DACH1: variants seen among roughly 807,000 people sequenced by gnomAD.
The protein encoded by DACH1 is dachshund homolog 1.
Under a neutral mutation model 54.2 loss-of-function variants are expected in DACH1, and 12 were observed. That is an observed-to-expected ratio of 0.22 (90% confidence interval 0.14 to 0.36). The LOEUF (loss-of-function observed/expected upper bound fraction) is 0.36. Ranked by LOEUF, DACH1 falls within the 10% of genes least tolerant of loss-of-function variation. The probability of loss-of-function intolerance (pLI) is 1.00; values close to 1 mark genes in which losing one functional copy is unlikely to be tolerated. For synonymous variants in DACH1, 386 were observed against 366.2 expected, an observed-to-expected ratio of 1.05 and a Z score of -0.62; for missense variants, 805 against 929.8, an observed-to-expected ratio of 0.87 and a Z score of 1.75.
chr13:71,556,895 T>C, intron 6 of DACH1, 129 bp downstream of exon 6: 1 of 985,902 alleles, frequency 1.0e-6, no homozygotes, highest in Non-Finnish European at 1.4e-6. Flanking sequence ...TACTTAATAT[T>C]GTGGATTTTA....
intron 2 of DACH1, among the ~76,000 whole-genome samples, chr13:71,648,360 G>T (rs1878442928): frequency 6.6e-6 from 1 of 151,932 alleles, no homozygotes; most frequent in South Asian, 2.1e-4. Context: ...GACCAGTTTA[G>T]AAAAACATGA....
chr13:71,456,028 G>C (rs1157246232), intron 10 of DACH1, among the ~76,000 whole-genome samples: 1 of 152,070 alleles, frequency 6.6e-6, no homozygotes, highest in Non-Finnish European at 1.5e-5. Context: ...ACAAAAAACT[G>C]TAATGCTAAT....
At chr13:71,833,897 G>C (rs545477001) in intron 1 of DACH1, among the ~76,000 whole-genome samples, 1 of 152,020 alleles carries the variant, frequency 6.6e-6, no homozygotes, top group African/African-American at 2.4e-5. Context: ...CTCTGAAATA[G>C]CACAAGATAT....
chr13:71,843,916 C>A (rs898981348), intron 1 of DACH1, among the ~76,000 whole-genome samples: 1 of 152,064 alleles, frequency 6.6e-6, no homozygotes, highest in African/African-American at 2.4e-5. Flanking sequence ...TTTAAATGAG[C>A]ATACTATTTG....
intron 3 of DACH1, among the ~76,000 whole-genome samples, chr13:71,575,763 T>G (rs9599860): frequency 0.017 from 2,540 of 152,194 alleles, 26 homozygotes; most frequent in Middle Eastern, 0.071. Context: ...CTACATAGAA[T>G]GCTTCTAGCC....
At chr13:71,461,655 C>A (rs529529564) in intron 10 of DACH1, among the ~76,000 whole-genome samples, 1 of 151,990 alleles carries the variant, frequency 6.6e-6, no homozygotes, top group African/African-American at 2.4e-5. Context: ...TTCTTGCTAT[C>A]TTACATTTCT....
At chr13:71,472,703 G>T (rs778322639) in intron 10 of DACH1, among the ~76,000 whole-genome samples, 2 of 152,190 alleles carry the variant, frequency 1.3e-5, no homozygotes, top group Non-Finnish European at 2.9e-5. Context: ...GAGGCTGTGT[G>T]TGTGTCATTC....
chr13:71,708,890 T>A (rs1416582271), intron 1 of DACH1, among the ~76,000 whole-genome samples: 4 of 146,762 alleles, frequency 2.7e-5, no homozygotes, highest in African/African-American at 1.0e-4. Context: ...TCTCGCTCTG[T>A]CGCCCAAGCT....
intron 1 of DACH1, among the ~76,000 whole-genome samples, chr13:71,705,553 T>A (rs1882399163): frequency 6.6e-6 from 1 of 152,200 alleles, no homozygotes; most frequent in Admixed American, 6.5e-5. Flanking sequence ...ATTCAAAAAA[T>A]GTTTTATGGA....
chr13:71,760,468 C>G (rs1374192294), intron 1 of DACH1, among the ~76,000 whole-genome samples: 6 of 152,182 alleles, frequency 3.9e-5, no homozygotes, highest in African/African-American at 1.4e-4. Context: ...ACACTGAAAG[C>G]TCCAGATCAG....
intron 1 of DACH1, among the ~76,000 whole-genome samples, chr13:71,747,208 CATGTAATGTAGTCCACACACTGTA>C (rs377678039): frequency 1.5e-4 from 23 of 152,038 alleles, no homozygotes; most frequent in African/African-American, 5.3e-4. Flanking sequence ...AATACTAGAT[CATGTAATGTAGTCCACACACTGTA>C]ATGTAATGTA....
intron 3 of DACH1, among the ~76,000 whole-genome samples, chr13:71,611,582 T>C (rs1021220870): frequency 6.6e-6 from 1 of 152,204 alleles, no homozygotes; most frequent in Non-Finnish European, 1.5e-5. Flanking sequence ...TGTTAGAAAA[T>C]GTTTGATTTT....
At chr13:71,631,196 T>A (rs1352159817) in intron 2 of DACH1, among the ~76,000 whole-genome samples, 1 of 152,164 alleles carries the variant, frequency 6.6e-6, no homozygotes, top group African/African-American at 2.4e-5. Context: ...ATGACCTGCA[T>A]CTTCAAGCAT....
chr13:71,499,108 C>T (rs1027732504), intron 6 of DACH1, among the ~76,000 whole-genome samples: 4 of 111,634 alleles, frequency 3.6e-5, no homozygotes, highest in Non-Finnish European at 5.4e-5. Flanking sequence ...CATGCGAGCA[C>T]GCGCACACAC....
chr13:71,599,255 T>G (rs1874324758), intron 3 of DACH1, among the ~76,000 whole-genome samples: 1 of 152,120 alleles, frequency 6.6e-6, no homozygotes, highest in East Asian at 1.9e-4. Context: ...CAGAAAAAAT[T>G]GCTGAAATTC....
chr13:71,717,543 C>CAT (rs1555314115), intron 1 of DACH1, among the ~76,000 whole-genome samples: 1 of 144,850 alleles, frequency 6.9e-6, no homozygotes, highest in Non-Finnish European at 1.5e-5. Flanking sequence ...CACACACACA[C>CAT]ATTAATTCTA....
At chr13:71,548,715 G>A (rs1414250886) in intron 6 of DACH1, among the ~76,000 whole-genome samples, 2 of 151,968 alleles carry the variant, frequency 1.3e-5, no homozygotes, top group Non-Finnish European at 2.9e-5. Flanking sequence ...CCAGGAGTTC[G>A]AGACCAGCCT....
At chr13:71,632,414 C>T (rs1008690760) in intron 2 of DACH1, among the ~76,000 whole-genome samples, 3 of 141,156 alleles carry the variant, frequency 2.1e-5, no homozygotes, top group African/African-American at 7.7e-5. Context: ...CCAACCCCAC[C>T]CATTTTTTTT....
chr13:71,843,886 A>G (rs1189423662), intron 1 of DACH1, among the ~76,000 whole-genome samples: 4 of 152,178 alleles, frequency 2.6e-5, no homozygotes. Flanking sequence ...TAAACTAGGA[A>G]CATTTATTCC....
Sources: gnomAD v4.1 joint callset for allele counts (sites outside exome capture counted in the v4.1 genomes callset) on GRCh38, gnomAD v4.1.1 for gene constraint, MANE v1.5 for transcripts, NCBI Gene and HGNC (gene_info 2026-07-23, HGNC 2026-07-21) for gene names.